Variants in PNCK observed in about 807,000 individuals in gnomAD.
PNCK encodes the protein calcium/calmodulin-dependent protein kinase type 1B.
A neutral mutation model predicts 28.3 loss-of-function variants in PNCK; 21 were observed. The ratio of observed to expected loss-of-function variants is 0.74; its 90% CI spans 0.53 to 1.07. The LOEUF is 1.07. Among genes scored for constraint, PNCK ranks in the 50% least tolerant of loss-of-function variants. The pLI is 0.00. For synonymous variants in PNCK, 136 were observed against 125.2 expected (o/e 1.09, Z -0.58); for missense variants, 250 against 298.3 (o/e 0.84, Z 1.19).
At chrX:153,677,633 GTA>G (rs201512552), upstream of PNCK, among the ~76,000 whole-genome samples, 12,325 of 98,703 alleles carry the variant, frequency 0.12, 743 homozygotes, top group African/African-American at 0.19. Context: ...TATATAGTGT[GTA>G]TATATATAGT....
chrX:153,677,009 C>T (rs782230753), upstream of PNCK, among the ~76,000 whole-genome samples: 4 of 111,922 alleles, frequency 3.6e-5, no homozygotes, highest in South Asian at 3.8e-4. Flanking sequence ...GTGTGATCTC[C>T]GCTCACTACG....
At chrX:153,685,045 C>T (rs2091412656) in intron 1 of PNCK, among the ~76,000 whole-genome samples, 1 of 102,344 alleles carries the variant, frequency 9.8e-6, no homozygotes, top group African/African-American at 3.6e-5. Flanking sequence ...GCACAGGTCG[C>T]AGGGCACCCC....
chrX:153,678,022 T>C (rs2091378549), upstream of PNCK, among the ~76,000 whole-genome samples: 1 of 104,974 alleles, frequency 9.5e-6, no homozygotes, highest in Non-Finnish European at 2.0e-5. Context: ...ATAACATCTA[T>C]AAACAGATAC....
Position 153,672,678 on chromosome X carries a change from C to T in PNCK, c.88G>A (p.Val30Met). ...RLGSGAFSEV[V>M]LAQERGSAHL... ...GCGGAGCCCCGCTCCTGGGCCAGCA[C>T]CACCTCGGAGAAGGCACCCCTGCCG... is the stretch of plus-strand genomic sequence containing the variant. Residue 30 changes from valine (V) to methionine (M), a missense_variant, in exon 3 of 12, where the codon GTG becomes ATG. Transcript: ENST00000340888. 2 of 1,200,904 alleles carry T rather than the reference C, an allele frequency of 1.7e-6. No homozygotes were observed. The highest frequency in any genetic ancestry group is 1.1e-6 in the Non-Finnish European group (1 of 893,443).
upstream of PNCK, among the ~76,000 whole-genome samples, chrX:153,677,127 G>A (rs1163894818): frequency 3.6e-5 from 4 of 110,950 alleles, no homozygotes; most frequent in East Asian, 8.5e-4. Flanking sequence ...TTTGGGTAGA[G>A]ACAGTTTCAC....
chrX:153,670,886 C>T, intron 9 of PNCK, 32 bp downstream of exon 9: 7 of 1,211,727 alleles, frequency 5.8e-6, no homozygotes, highest in Non-Finnish European at 7.8e-6. Flanking sequence ...GGCCCCCTGG[C>T]CCTGGGGCAG....
upstream of PNCK, among the ~76,000 whole-genome samples, chrX:153,677,838 A>G (rs782276361): frequency 9.5e-6 from 1 of 105,622 alleles, no homozygotes; most frequent in Admixed American, 1.1e-4. Context: ...TATATAGTGT[A>G]TATATAGTCT....
rs1000329399 is a variant in PNCK, at chrX:153,670,074, C to T, written c.*64G>A. 2 of 280,291 alleles carry T rather than the reference C, an allele frequency of 7.1e-6. No individual in the cohort carries two copies. The highest frequency in any genetic ancestry group is 1.3e-5 in the Non-Finnish European group (2 of 149,847). 23.1% of individuals were successfully genotyped at this position (280,291 alleles called of 1,213,427 possible). On this transcript the variant is annotated 3_prime_UTR_variant, in exon 12 of 12. Transcript: ENST00000340888. ...AGGGGGAGGGGTTGGGGGAGGGGAC[C>T]GAAAGCATCCAAGGGAAGGAAATCT...
upstream of PNCK, among the ~76,000 whole-genome samples, chrX:153,679,015 T>C (rs782752608): frequency 1.8e-5 from 2 of 111,601 alleles, no homozygotes; most frequent in South Asian, 7.5e-4. Context: ...ATTGTCCAGA[T>C]ATACCACATT....
Position 153,671,925 on chromosome X carries a change from G to A in PNCK, c.369C>T (p.Ala123=), listed in dbSNP as rs1180382544. 5.0e-6 allele frequency: 6 copies of A among 1,208,348 alleles called. No homozygotes were observed. The highest frequency in any genetic ancestry group is 5.9e-5 in the East Asian group (2 of 33,743). The change falls in exon 5 of 12, where the codon GCC becomes GCT. Residue 123 remains alanine, a synonymous_variant. Transcript: ENST00000340888. ...ASHLVGQVLG[A]VSYLHSLGIV... ...TCCCCAGGCTGTGCAGGTAGGAGACGGCGCCAAGGACCTGACCCACCAGAT... is the reference window on the plus strand; with the variant it reads ...TCCCCAGGCTGTGCAGGTAGGAGACAGCGCCAAGGACCTGACCCACCAGAT...
chrX:153,672,213 G>A lies in PNCK; in HGVS notation c.201-13C>T, dbSNP rs1463403557. 1.7e-6 allele frequency: 2 copies of A among 1,193,846 alleles called. No homozygotes were observed. The highest frequency in any genetic ancestry group is 3.5e-5 in the African/African-American group (2 of 56,809). ...GGGGTGACTGATCCTGCAATGGCAAGGAAGCGCCTGTGGGCCAACAGAGTC... is the reference window on the plus strand; with the variant it reads ...GGGGTGACTGATCCTGCAATGGCAAAGAAGCGCCTGTGGGCCAACAGAGTC... On this transcript the variant is annotated splice_polypyrimidine_tract_variant and intron_variant, in intron 3 of 11. Coordinates refer to ENST00000340888, the MANE Select transcript of PNCK (RefSeq NM_001366977.1).
At chrX:153,683,767 G>A (rs781982325) in intron 1 of PNCK, among the ~76,000 whole-genome samples, 2 of 111,383 alleles carry the variant, frequency 1.8e-5, no homozygotes, top group African/African-American at 6.5e-5. Context: ...CTGGTTGGGT[G>A]GGGGATGATT....
chrX:153,673,103 G>T, intron 1 of PNCK, 25 bp from the exon 2 acceptor site: 1 of 1,175,685 alleles, frequency 8.5e-7, no homozygotes, highest in Non-Finnish European at 1.1e-6. Flanking sequence ...GAGAGGTGAT[G>T]GGGGTCTCTC....
chrX:153,677,489 C>T (rs2091371565), upstream of PNCK, among the ~76,000 whole-genome samples: 1 of 108,465 alleles, frequency 9.2e-6, no homozygotes, highest in Admixed American at 1.0e-4. Context: ...AGGCCCTCTC[C>T]ACTGACAGCA....
chrX:153,676,497 G>A (rs2091366801), upstream of PNCK, among the ~76,000 whole-genome samples: 1 of 111,879 alleles, frequency 8.9e-6, no homozygotes, highest in Non-Finnish European at 1.9e-5. Flanking sequence ...TCCTTTGTTT[G>A]GTGTACTCAT....
At chrX:153,674,569 C>A, upstream of PNCK, 1 of 139,986 alleles carries the variant, frequency 7.1e-6, no homozygotes, top group Non-Finnish European at 1.4e-5. Context: ...CCCCGCCCTG[C>A]CCCTGCCAAT....
chrX:153,675,987 CTT>C (rs59527995), upstream of PNCK, among the ~76,000 whole-genome samples: 6,395 of 79,662 alleles, frequency 0.08, 185 homozygotes, highest in Non-Finnish European at 0.1. Flanking sequence ...TTTTTCTTTT[CTT>C]TTTTTTTTTT....
At chrX:153,681,006 G>GCAA (rs1557042393) in intron 1 of PNCK, among the ~76,000 whole-genome samples, 1 of 93,382 alleles carries the variant, frequency 1.1e-5, no homozygotes, top group Non-Finnish European at 2.0e-5. Flanking sequence ...GCCCGCCTGG[G>GCAA]CAACAGAGTG....
chrX:153,686,236 G>A (rs1477776308), intron 1 of PNCK, among the ~76,000 whole-genome samples: 4 of 112,012 alleles, frequency 3.6e-5, no homozygotes, highest in Non-Finnish European at 5.7e-5. Context: ...GGAACCCACC[G>A]GAGGAGTAAC....
Sources: gnomAD v4.1 joint callset for allele counts (sites outside exome capture counted in the v4.1 genomes callset) on GRCh38, gnomAD v4.1.1 for gene constraint, MANE v1.5 for transcripts, NCBI Gene and HGNC (gene_info 2026-07-23, HGNC 2026-07-21) for gene names.